The following EBF1 variants were observed in gnomAD, a reference collection of about 807,000 sequenced individuals.
The protein encoded by EBF1 is EBF transcription factor 1.
EBF1 carries 10 observed loss-of-function variants against 68.4 expected under a neutral mutation model. The observed-to-expected ratio is 0.15, with a 90% CI of 0.09 to 0.25. EBF1 has a LOEUF of 0.25. Among genes scored for constraint, EBF1 ranks in the 10% least tolerant of loss-of-function variants. The pLI, the probability that EBF1 is intolerant of heterozygous loss-of-function variation, is 1.00. For synonymous variants in EBF1, 298 were observed against 299.8 expected (o/e 0.99, Z 0.06); for missense variants, 509 against 794.4 (o/e 0.64, Z 4.32).
chr5:158,776,173 A>C (rs1775197690), intron 10 of EBF1, among the ~76,000 whole-genome samples: 1 of 152,128 alleles, frequency 6.6e-6, no homozygotes, highest in Non-Finnish European at 1.5e-5. Flanking sequence ...GTGCAAACAA[A>C]ATTTTCCTCT....
intron 6 of EBF1, among the ~76,000 whole-genome samples, chr5:158,843,362 G>T (rs999536562): frequency 6.6e-6 from 1 of 152,214 alleles, no homozygotes; most frequent in Non-Finnish European, 1.5e-5. Flanking sequence ...CACCAGCTAT[G>T]CCAGGGAGAA....
intron 9 of EBF1, among the ~76,000 whole-genome samples, chr5:158,794,476 G>A (rs972173983): frequency 1.3e-5 from 2 of 152,160 alleles, no homozygotes; most frequent in Admixed American, 1.3e-4. Flanking sequence ...AGGCAGAGGT[G>A]CAAATGCATG....
At chr5:158,741,900 A>T (rs968344163) in intron 10 of EBF1, among the ~76,000 whole-genome samples, 1 of 152,236 alleles carries the variant, frequency 6.6e-6, no homozygotes, top group African/African-American at 2.4e-5. Flanking sequence ...CAGGCACTTT[A>T]TATGGATTAA....
intron 6 of EBF1, among the ~76,000 whole-genome samples, chr5:158,973,117 G>T (rs1193893336): frequency 6.6e-6 from 1 of 152,140 alleles, no homozygotes; most frequent in Non-Finnish European, 1.5e-5. Context: ...TGTGTTGATT[G>T]TCTGTCTCCC....
At chr5:158,905,442 T>C (rs1185420948) in intron 6 of EBF1, among the ~76,000 whole-genome samples, 1 of 152,208 alleles carries the variant, frequency 6.6e-6, no homozygotes, top group African/African-American at 2.4e-5. Context: ...CAGTGGCATT[T>C]TGGCATTGCG....
chr5:158,938,180 C>T (rs1317508510), intron 6 of EBF1, among the ~76,000 whole-genome samples: 1 of 152,178 alleles, frequency 6.6e-6, no homozygotes, highest in Admixed American at 6.5e-5. Flanking sequence ...CTGCCAGATC[C>T]TGAATAACCA....
intron 6 of EBF1, among the ~76,000 whole-genome samples, chr5:159,046,792 G>A (rs1004610813): frequency 6.6e-6 from 1 of 152,144 alleles, no homozygotes; most frequent in African/African-American, 2.4e-5. Flanking sequence ...TGAGTAAAGT[G>A]GGTGGAGGGA....
Position 159,099,526 on chromosome 5 carries a change from T to TAAAAAAAAA in EBF1, c.-57_-49dup, listed in dbSNP as rs5872586. 3.6e-6 allele frequency: 4 copies of TAAAAAAAAA among 1,103,918 alleles called. No individual in the cohort carries two copies. Among genetic ancestry groups the TAAAAAAAAA allele is most frequent in the Non-Finnish European group, 1.2e-6 (1 of 852,836 alleles). The allele number at this position is 1,103,918 out of a possible 1,614,324, so 68.4% of individuals were successfully genotyped here. ...AAATCTCCTCCCCCTTGAAAAAAAT[T>TAAAAAAAAA]AAAAAAAAAAAAAAAGGAAAGAAAA... On this transcript the variant is annotated 5_prime_UTR_variant, in exon 1 of 16. Coordinates refer to ENST00000313708, the MANE Select transcript of EBF1 (RefSeq NM_024007.5).
At chr5:158,901,755 C>T (rs1440286976) in intron 6 of EBF1, among the ~76,000 whole-genome samples, 1 of 152,034 alleles carries the variant, frequency 6.6e-6, no homozygotes. Context: ...CAGTAACTTC[C>T]CCCGGTTTAC....
intron 9 of EBF1, among the ~76,000 whole-genome samples, chr5:158,790,899 C>T (rs1778461820): frequency 1.3e-5 from 2 of 152,172 alleles, no homozygotes; most frequent in Non-Finnish European, 2.9e-5. Flanking sequence ...TGCAAATCAA[C>T]ATCACATCTG....
intron 5 of EBF1, among the ~76,000 whole-genome samples, chr5:159,079,003 C>T (rs1779285438): frequency 6.6e-6 from 1 of 152,178 alleles, no homozygotes; most frequent in Non-Finnish European, 1.5e-5. Context: ...AGCATCATTT[C>T]AAACTTGTAA....
intron 6 of EBF1, among the ~76,000 whole-genome samples, chr5:158,851,936 G>GGGAGGGGAAGGGGAGGGGAA (rs1295357446): frequency 3.3e-3 from 1 of 306 alleles, no homozygotes; most frequent in East Asian, 0.042. Flanking sequence ...GGTAGGGGAG[G>GGGAGGGGAAGGGGAGGGGAA]GGCAGGGGAA....
chr5:158,807,376 T>G (rs1208136744), intron 8 of EBF1, among the ~76,000 whole-genome samples: 1 of 152,128 alleles, frequency 6.6e-6, no homozygotes, highest in Non-Finnish European at 1.5e-5. Flanking sequence ...GGAAGATGAT[T>G]TCTGAGTTTT....
At chr5:158,762,897 C>A (rs142766502) in intron 10 of EBF1, among the ~76,000 whole-genome samples, 106 of 152,190 alleles carry the variant, frequency 7.0e-4, no homozygotes, top group Admixed American at 2.1e-3. Flanking sequence ...CACCTCTAAC[C>A]GCAGTATAAT....
chr5:158,784,171 T>G (rs1469021290), intron 9 of EBF1, among the ~76,000 whole-genome samples: 1 of 152,194 alleles, frequency 6.6e-6, no homozygotes, highest in Non-Finnish European at 1.5e-5. Flanking sequence ...TCCTGTAGTA[T>G]TATGGGGTAG....
intron 10 of EBF1, among the ~76,000 whole-genome samples, chr5:158,749,666 G>A (rs1033812646): frequency 2.2e-4 from 33 of 152,256 alleles, no homozygotes; most frequent in Middle Eastern, 3.4e-3. Flanking sequence ...AGGATTTGGG[G>A]AAAACAGGTA....
At chr5:158,785,370 G>A (rs190251367) in intron 9 of EBF1, among the ~76,000 whole-genome samples, 10 of 152,238 alleles carry the variant, frequency 6.6e-5, no homozygotes, top group African/African-American at 2.2e-4. Flanking sequence ...TATTCTTGGC[G>A]ACTGTGCTGG....
At chr5:158,926,558 T>G (rs1809733110) in intron 6 of EBF1, among the ~76,000 whole-genome samples, 1 of 151,914 alleles carries the variant, frequency 6.6e-6, no homozygotes, top group African/African-American at 2.4e-5. Flanking sequence ...ACCCCGTCTC[T>G]ACTAAAAATA....
At chr5:158,910,797 C>T (rs1805800529) in intron 6 of EBF1, among the ~76,000 whole-genome samples, 1 of 152,154 alleles carries the variant, frequency 6.6e-6, no homozygotes, top group African/African-American at 2.4e-5. Flanking sequence ...TATTAGGACA[C>T]CCCTTAAACA....
Sources: allele counts gnomAD v4.1 joint callset (sites outside exome capture counted in the v4.1 genomes callset), GRCh38; gene constraint gnomAD v4.1.1; transcripts MANE v1.5; gene names NCBI Gene and HGNC (gene_info 2026-07-23, HGNC 2026-07-21).